Variants in AGBL4 observed in about 807,000 individuals in gnomAD.
The protein encoded by AGBL4 is cytosolic carboxypeptidase 6.
A neutral mutation model predicts 66.4 loss-of-function variants in AGBL4; 58 were observed. That is an observed-to-expected ratio of 0.87 (90% CI 0.71 to 1.09). The LOEUF (loss-of-function observed/expected upper bound fraction) is 1.09. Among genes scored for constraint, AGBL4 ranks in the 50% least tolerant of loss-of-function variants. AGBL4 has a pLI of 0.00. For synonymous variants in AGBL4, 234 were observed against 222.9 expected (o/e 1.05, Z -0.44); for missense variants, 579 against 631.0 (o/e 0.92, Z 0.88).
intron 4 of AGBL4, among the ~76,000 whole-genome samples, chr1:49,185,692 C>T (rs1181911005): frequency 6.6e-6 from 1 of 152,112 alleles, no homozygotes; most frequent in African/African-American, 2.4e-5. Flanking sequence ...CCCCTCACAC[C>T]TCCCTGCTTC....
chr1:49,449,486 G>A (rs938927209), intron 3 of AGBL4, among the ~76,000 whole-genome samples: 5 of 152,062 alleles, frequency 3.3e-5, no homozygotes, highest in African/African-American at 1.2e-4. Context: ...TATTCCCTCA[G>A]AGGCTGTGGA....
chr1:48,866,037 G>T (rs1409417176), intron 6 of AGBL4, among the ~76,000 whole-genome samples: 2 of 152,152 alleles, frequency 1.3e-5, no homozygotes, highest in African/African-American at 4.8e-5. Context: ...TTCTTCAGAA[G>T]TCTCAAGCTC....
intron 5 of AGBL4, among the ~76,000 whole-genome samples, chr1:48,868,587 C>A (rs992720587): frequency 6.6e-6 from 1 of 152,008 alleles, no homozygotes; most frequent in African/African-American, 2.4e-5. Context: ...TAGCATGATG[C>A]CTGGTACTTA....
rs147201444 is a variant in AGBL4 at position 49,178,625 on chromosome 1, A to G, written c.377+67145T>C. Among the ~76,000 whole-genome samples, 19 of 152,296 alleles carry G rather than the reference A, an allele frequency of 1.2e-4. No individual in the cohort carries two copies. The East Asian group carries it at 3.5e-3, about 28-fold the overall frequency. On this transcript the variant is annotated intron_variant, in intron 4 of 13. Transcript: ENST00000371839. ...TTCCCTAATAGAATACAAACCTGTC[A>G]AGAATGGGAACTAGGTCTCATTCTC...
At chr1:48,780,237 T>C (rs1645260838) in intron 6 of AGBL4, among the ~76,000 whole-genome samples, 1 of 127,846 alleles carries the variant, frequency 7.8e-6, no homozygotes, top group African/African-American at 3.0e-5. Flanking sequence ...TCCCCGTATC[T>C]ATGTGTTCTC....
chr1:49,841,925 G>T, intron 2 of AGBL4: 1 of 628,254 alleles, frequency 1.6e-6, no homozygotes. Context: ...GACCCAGTGA[G>T]AATCTCGGCC....
intron 3 of AGBL4, among the ~76,000 whole-genome samples, chr1:49,398,783 C>A (rs1421563943): frequency 6.6e-6 from 1 of 152,062 alleles, no homozygotes; most frequent in Non-Finnish European, 1.5e-5. Flanking sequence ...TACTGTAGAA[C>A]AATCACCTCA....
At chr1:49,681,973 GA>G (rs1385422063) in intron 3 of AGBL4, among the ~76,000 whole-genome samples, 2 of 152,124 alleles carry the variant, frequency 1.3e-5, no homozygotes, top group Non-Finnish European at 2.9e-5. Flanking sequence ...TTTAAATCAA[GA>G]AAGAAAGTGG....
At chr1:49,664,510 T>C (rs1452517132) in intron 3 of AGBL4, among the ~76,000 whole-genome samples, 1 of 152,088 alleles carries the variant, frequency 6.6e-6, no homozygotes, top group African/African-American at 2.4e-5. Context: ...AGATATTTCT[T>C]TACCTGGTTA....
intron 6 of AGBL4, among the ~76,000 whole-genome samples, chr1:48,674,507 G>A (rs1197703247): frequency 6.6e-6 from 1 of 151,402 alleles, no homozygotes; most frequent in African/African-American, 2.4e-5. Context: ...AGGTGGGCTG[G>A]GGGTGTTGGG....
intron 4 of AGBL4, among the ~76,000 whole-genome samples, chr1:49,135,824 C>A (rs1001690163): frequency 6.6e-6 from 1 of 152,144 alleles, no homozygotes; most frequent in Non-Finnish European, 1.5e-5. Flanking sequence ...TACAGTGCTG[C>A]AGAGATTTTG....
intron 3 of AGBL4, among the ~76,000 whole-genome samples, chr1:49,556,084 G>T (rs1175478406): frequency 6.6e-6 from 1 of 152,168 alleles, no homozygotes; most frequent in East Asian, 1.9e-4. Context: ...GCACACGTAT[G>T]TTTATTGCGG....
At chr1:49,055,068 G>A (rs1395065448) in intron 4 of AGBL4, among the ~76,000 whole-genome samples, 3 of 151,974 alleles carry the variant, frequency 2.0e-5, no homozygotes, top group Non-Finnish European at 4.4e-5. Context: ...AAGCAAAATT[G>A]AAATACAAGA....
intron 2 of AGBL4, among the ~76,000 whole-genome samples, chr1:49,807,070 G>C (rs1414167699): frequency 1.3e-5 from 2 of 152,196 alleles, no homozygotes; most frequent in African/African-American, 4.8e-5. Context: ...ATGCAATCCA[G>C]GCAGAGTGCT....
intron 5 of AGBL4, among the ~76,000 whole-genome samples, chr1:48,876,304 G>C (rs888535852): frequency 1.3e-5 from 2 of 152,108 alleles, no homozygotes; most frequent in Non-Finnish European, 2.9e-5. Context: ...CCTTACTCCT[G>C]CTGGAGAGAA....
At chr1:49,819,971 G>C (rs1645326162) in intron 2 of AGBL4, among the ~76,000 whole-genome samples, 2 of 152,138 alleles carry the variant, frequency 1.3e-5, no homozygotes, top group Admixed American at 1.3e-4. Context: ...TGGCTTCGCA[G>C]GGTACCTACA....
chr1:49,399,426 C>T (rs1293804112), intron 3 of AGBL4, among the ~76,000 whole-genome samples: 3 of 152,096 alleles, frequency 2.0e-5, no homozygotes, highest in Non-Finnish European at 2.9e-5. Flanking sequence ...CCAAATTGTT[C>T]TCCATAGTGG....
At chr1:48,749,923 G>C (rs1651407700) in intron 6 of AGBL4, among the ~76,000 whole-genome samples, 1 of 152,216 alleles carries the variant, frequency 6.6e-6, no homozygotes, top group Non-Finnish European at 1.5e-5. Context: ...GGGGGCTAAG[G>C]AGTTGTGGTG....
intron 5 of AGBL4, among the ~76,000 whole-genome samples, chr1:48,904,023 A>G (rs1652343672): frequency 6.6e-6 from 1 of 152,194 alleles, no homozygotes; most frequent in Non-Finnish European, 1.5e-5. Context: ...TCACAGCTGC[A>G]ATCCCAGCAC....
Sources: allele counts gnomAD v4.1 joint callset (sites outside exome capture counted in the v4.1 genomes callset), GRCh38; gene constraint gnomAD v4.1.1; transcripts MANE v1.5; gene names NCBI Gene and HGNC (gene_info 2026-07-23, HGNC 2026-07-21).